Variants in GRAMD2A observed in about 807,000 individuals in gnomAD.
The protein encoded by GRAMD2A is GRAM domain-containing protein 2A.
In GRAMD2A, 37 loss-of-function variants were observed where a neutral mutation model predicts 51.1. The ratio of observed to expected loss-of-function variants is 0.72; its 90% CI spans 0.56 to 0.95. GRAMD2A has a LOEUF of 0.95. GRAMD2A is among the 40% of genes least tolerant of loss of function. The pLI, the probability that GRAMD2A is intolerant of heterozygous loss-of-function variation, is 0.00. For synonymous variants in GRAMD2A, 136 were observed against 157.1 expected (o/e 0.87, Z 1.01); for missense variants, 414 against 426.9 (o/e 0.97, Z 0.27).
intron 1 of GRAMD2A, among the ~76,000 whole-genome samples, chr15:72,192,459 C>T (rs1454896761): frequency 6.6e-6 from 1 of 152,130 alleles, no homozygotes; most frequent in Non-Finnish European, 1.5e-5. Context: ...TGATTACTGG[C>T]AGGTTTTGAG....
At chr15:72,189,532 T>C (rs1393874705) in intron 1 of GRAMD2A, among the ~76,000 whole-genome samples, 1 of 152,258 alleles carries the variant, frequency 6.6e-6, no homozygotes, top group Non-Finnish European at 1.5e-5. Flanking sequence ...AATGTGAATT[T>C]ACAATTCTCT....
rs767902382 is a variant in GRAMD2A, at chr15:72,168,578, C to A, written c.193-12G>T. ...TTATTCAGTGTTATCTGCAAACACACAGGCTGCGTCTGAGAAGCGCTGGGA... is the reference window on the plus strand; with the variant it reads ...TTATTCAGTGTTATCTGCAAACACAAAGGCTGCGTCTGAGAAGCGCTGGGA... On this transcript the variant is annotated splice_polypyrimidine_tract_variant and intron_variant, in intron 3 of 11. Transcript: ENST00000309731. 6.2e-7 allele frequency: 1 copy of A among 1,611,452 alleles called. No individual in the cohort carries two copies. The highest frequency in any genetic ancestry group is 8.5e-7 in the Non-Finnish European group (1 of 1,177,796).
intron 10 of GRAMD2A, 50 bp downstream of exon 10, chr15:72,163,216 C>A: frequency 7.8e-7 from 1 of 1,275,350 alleles, no homozygotes. Context: ...TTGTTCCAAG[C>A]ACCTAGACAT....
intron 1 of GRAMD2A, among the ~76,000 whole-genome samples, chr15:72,178,593 T>C (rs2081672299): frequency 6.9e-6 from 1 of 145,664 alleles, no homozygotes; most frequent in Non-Finnish European, 1.5e-5. Flanking sequence ...TTTTTTTTTT[T>C]GAGATGGAGT....
intron 1 of GRAMD2A, among the ~76,000 whole-genome samples, chr15:72,171,770 G>A (rs947551890): frequency 7.2e-5 from 11 of 151,934 alleles, no homozygotes; most frequent in African/African-American, 2.7e-4. Context: ...ATTCACAGGT[G>A]AAATTCTTTC....
chr15:72,167,328 C>A (rs185936030), intron 5 of GRAMD2A, among the ~76,000 whole-genome samples: 43 of 152,338 alleles, frequency 2.8e-4, no homozygotes, highest in Non-Finnish European at 5.6e-4. Flanking sequence ...TAGGTATGAT[C>A]CCTGTTATCC....
At chr15:72,165,462 C>A in intron 7 of GRAMD2A, 52 bp from the exon 8 acceptor site, 1 of 1,559,744 alleles carries the variant, frequency 6.4e-7, no homozygotes, top group South Asian at 1.1e-5. Flanking sequence ...CAGGCAAGGT[C>A]AGGCAGGGGG....
chr15:72,190,646 A>G (rs1001939728), intron 1 of GRAMD2A, among the ~76,000 whole-genome samples: 8 of 152,214 alleles, frequency 5.3e-5, no homozygotes, highest in African/African-American at 1.9e-4. Context: ...TTATGGACGC[A>G]GATTGACAAT....
At chr15:72,173,971 C>A (rs11630611) in intron 1 of GRAMD2A, 1 of 142,552 alleles carries the variant, frequency 7.0e-6, no homozygotes, top group African/African-American at 2.7e-5. Flanking sequence ...AACTCCTTTA[C>A]ACATGATCAA....
At chr15:72,162,085 G>A in intron 11 of GRAMD2A, 73 bp from the exon 12 acceptor site, 1 of 1,582,850 alleles carries the variant, frequency 6.3e-7, no homozygotes, top group East Asian at 2.2e-5. Flanking sequence ...AAGGGCCAGT[G>A]ATAACTTTAC....
intron 1 of GRAMD2A, among the ~76,000 whole-genome samples, chr15:72,191,446 G>T (rs1041707509): frequency 6.6e-6 from 1 of 152,018 alleles, no homozygotes; most frequent in African/African-American, 2.4e-5. Context: ...CAGGTGATCC[G>T]CCTGCCTTGG....
In GRAMD2A at chr15:72,197,747, C is replaced by T; in HGVS notation, c.25G>A (p.Ala9Thr). MTALSRSE[A>T]TEEGGNQQMH... ...ACCCCTTACCCGCCCTCCTCGGTGG[C>T]CTCGCTCCGGCTTAAAGCGGTCATC... Residue 9 changes from alanine to threonine, a missense_variant, in exon 1 of 12, where the codon GCC becomes ACC. Physicochemically the swap from Ala to Thr is moderately conservative, Grantham distance 58. Coordinates refer to ENST00000309731, the MANE Select transcript of GRAMD2A (RefSeq NM_001012642.3). 1.5e-6 allele frequency: 2 copies of T among 1,337,246 alleles called. No individual in the cohort carries two copies. The highest frequency in any genetic ancestry group is 2.8e-5 in the Admixed American group (1 of 35,626). 82.8% of individuals were successfully genotyped at this position (1,337,246 alleles called of 1,614,324 possible). A position where few individuals can be genotyped will look rare whatever the true frequency, so the allele number is the denominator to read the frequency against.
At position 72,168,943 on chromosome 15, in the gene GRAMD2A, T is replaced by C. The variant is rs762008397; in HGVS notation, c.188A>G (p.Glu63Gly). Reference sequence around the variant, plus strand: ...GAAGTCAGCCTCCAGACTTACCCCTTCTCGGCCACACTTCTTTATCTCTTC... The same window carrying C: ...GAAGTCAGCCTCCAGACTTACCCCTCCTCGGCCACACTTCTTTATCTCTTC... The part of the protein sequence containing the change: ...KGEEIKKCGR[E>G]GITLNKYNQQ... Residue 63 changes from glutamate to glycine, a missense_variant, in exon 3 of 12, where the codon GAA becomes GGA. Coordinates refer to ENST00000309731, the MANE Select transcript of GRAMD2A (RefSeq NM_001012642.3). 1.8e-5 allele frequency: 29 copies of C among 1,613,890 alleles called. No individual in the cohort carries two copies. Among genetic ancestry groups the C allele is most frequent in the Non-Finnish European group, 2.4e-5 (28 of 1,179,856 alleles).
At chr15:72,190,756 A>G (rs924156885) in intron 1 of GRAMD2A, among the ~76,000 whole-genome samples, 1 of 152,174 alleles carries the variant, frequency 6.6e-6, no homozygotes, top group Non-Finnish European at 1.5e-5. Flanking sequence ...TGAACAAAGG[A>G]GTATGTTTCT....
Position 72,163,446 on chromosome 15 carries a change from T to G in GRAMD2A, c.776A>C (p.Asn259Thr), listed in dbSNP as rs1300696352. 13 of 1,614,024 alleles carry G rather than the reference T, an allele frequency of 8.1e-6. No individual in the cohort carries two copies. Among genetic ancestry groups the G allele is most frequent in the Non-Finnish European group, 1.1e-5 (13 of 1,179,998 alleles). ...CATGGGCCATGCCCACCTCCCACCA[T>G]TTTCTGAAGCTACTTGGGCTCTTGA... is the stretch of plus-strand genomic sequence containing the variant. ...EKSRAQVASE[N>T]GGRWAWPMPG... The change falls in exon 10 of 12, where the codon AAT becomes ACT. Residue 259 changes from asparagine to threonine, a missense_variant. By Grantham distance (65) the Asn-to-Thr change is moderately conservative. Transcript: ENST00000309731.
chr15:72,175,453 C>T lies in GRAMD2A; in HGVS notation c.42-5514G>A, dbSNP rs184127484. 1.0e-3 allele frequency among the ~76,000 whole-genome samples: 152 copies of T among 152,302 alleles called. 1 individual carries two copies. Among genetic ancestry groups the T allele is most frequent in the Middle Eastern group, 3.4e-3 (1 of 294 alleles). ...CTTCCTGCTTTCCAGCCTCATCGCC[C>T]GTCATTCCCTCCCCTGCAGTACAGC... On this transcript the variant is annotated intron_variant, in intron 1 of 11. Coordinates refer to ENST00000309731, the MANE Select transcript of GRAMD2A (RefSeq NM_001012642.3).
At chr15:72,181,271 G>A (rs2081695722) in intron 1 of GRAMD2A, among the ~76,000 whole-genome samples, 1 of 152,212 alleles carries the variant, frequency 6.6e-6, no homozygotes, top group African/African-American at 2.4e-5. Flanking sequence ...TAAAAGCAAT[G>A]GGGAACCAAT....
At position 72,168,477 on chromosome 15, in the gene GRAMD2A, G is replaced by T; in HGVS notation, c.268+14C>A. 6.2e-7 allele frequency: 1 copy of T among 1,605,672 alleles called. No individual in the cohort carries two copies. Among genetic ancestry groups the T allele is most frequent in the Non-Finnish European group, 8.5e-7 (1 of 1,172,608 alleles). On this transcript the variant is annotated intron_variant, in intron 4 of 11. Transcript: ENST00000309731. Reference sequence around the variant, plus strand: ...CTCTGGGTGCCTAACCAGCTATACCGGGAGACAGCTCACCTTTGAGAACCA... The same window carrying T: ...CTCTGGGTGCCTAACCAGCTATACCTGGAGACAGCTCACCTTTGAGAACCA...
At chr15:72,165,314 T>G in intron 8 of GRAMD2A, 40 bp downstream of exon 8, 1 of 1,598,294 alleles carries the variant, frequency 6.3e-7, no homozygotes, top group Non-Finnish European at 8.6e-7. Context: ...CTCCAGGCAC[T>G]GTCAGTCCAG....
Sources: allele counts gnomAD v4.1 joint callset (sites outside exome capture counted in the v4.1 genomes callset), GRCh38; gene constraint gnomAD v4.1.1; transcripts MANE v1.5; gene names NCBI Gene and HGNC (gene_info 2026-07-23, HGNC 2026-07-21).